PLCXD1: variants seen among roughly 807,000 people sequenced by gnomAD.
The protein encoded by PLCXD1 is phosphatidylinositol specific phospholipase C X domain containing 1, also known as PI-PLC X domain-containing protein 1.
In PLCXD1, 45 loss-of-function variants were observed where a neutral mutation model predicts 37.8. The observed-to-expected ratio is 1.19, with a 90% CI of 0.94 to 1.53. The LOEUF is 1.53. PLCXD1 is among the 40% of genes most tolerant of loss of function. The pLI is 0.00. For synonymous variants in PLCXD1, 246 were observed against 206.9 expected, an observed-to-expected ratio of 1.19 and a Z score of -1.62; for missense variants, 539 against 454.7, an observed-to-expected ratio of 1.19 and a Z score of -1.69.
upstream of PLCXD1, chrX:281,307 G>C: frequency 6.1e-6 from 1 of 165,128 alleles, no homozygotes; most frequent in Non-Finnish European, 1.3e-5. Flanking sequence ...CCCCCGGGCT[G>C]ATAAAGAATG....
chrX:298,969 C>G (rs900639555), intron 6 of PLCXD1, 128 bp from the exon 7 acceptor site: 36 of 744,886 alleles, frequency 4.8e-5, no homozygotes, highest in Non-Finnish European at 7.1e-5. Context: ...CACCCAATTT[C>G]CTTGTTGGAC....
chrX:299,356 G>C lies in PLCXD1; in HGVS notation c.*21G>C, dbSNP rs1462908245. On this transcript the variant is annotated 3_prime_UTR_variant, in exon 7 of 7. Coordinates refer to ENST00000381657, the MANE Select transcript of PLCXD1 (RefSeq NM_018390.4). ...GCTGACGGGACCCTTCTGAAGTTCG[G>C]GACGCGGCGGCTGCAGTTTCACCCC... 6.4e-7 allele frequency: 1 copy of C among 1,553,488 alleles called. No individual in the cohort carries two copies. The highest frequency in any genetic ancestry group is 1.4e-5 in the African/African-American group (1 of 73,702).
upstream of PLCXD1, among the ~76,000 whole-genome samples, chrX:278,756 A>AAAC (rs1291174218): frequency 1.4e-5 from 2 of 144,374 alleles, no homozygotes; most frequent in East Asian, 4.2e-4. Flanking sequence ...AAAAAAAAAA[A>AAAC]GTGTGTTTTG....
At chrX:286,836 C>A (rs1434727635) in intron 2 of PLCXD1, among the ~76,000 whole-genome samples, 1 of 152,046 alleles carries the variant, frequency 6.6e-6, no homozygotes, top group Non-Finnish European at 1.5e-5. Flanking sequence ...TTTGCTTTCT[C>A]CTGTCTTATA....
chrX:281,982 A>C (rs1332790524), intron 1 of PLCXD1, among the ~76,000 whole-genome samples: 1 of 152,014 alleles, frequency 6.6e-6, no homozygotes, highest in Non-Finnish European at 1.5e-5. Context: ...CCCTGACCTC[A>C]GGTGATCCAC....
chrX:293,389 C>T (rs1350278980), intron 6 of PLCXD1, among the ~76,000 whole-genome samples, 171 bp downstream of exon 6: 5 of 152,130 alleles, frequency 3.3e-5, no homozygotes, highest in South Asian at 4.1e-4. Flanking sequence ...TTCGGGAGGC[C>T]GAGGCGGGTG....
At chrX:281,328 C>T, upstream of PLCXD1, 1 of 159,040 alleles carries the variant, frequency 6.3e-6, no homozygotes, top group Non-Finnish European at 1.4e-5. Context: ...GGCTCCTCCT[C>T]CTGGGCCCAG....
In PLCXD1 at chrX:301,932, C is replaced by T; in HGVS notation, c.*2597C>T. 1 of 152,370 alleles carries T rather than the reference C, an allele frequency of 6.6e-6. No homozygotes were observed. The highest frequency in any genetic ancestry group is 2.1e-4 in the South Asian group (1 of 4,838). The allele number at this position is 152,370 out of a possible 1,614,324, so 9.4% of individuals were successfully genotyped here. A position where few individuals can be genotyped will look rare whatever the true frequency, so the allele number is the denominator to read the frequency against. On this transcript the variant is annotated 3_prime_UTR_variant, in exon 7 of 7. Coordinates refer to ENST00000381657, the MANE Select transcript of PLCXD1 (RefSeq NM_018390.4). ...TGAGCCACCGCACCTGGCCTCAAGC[C>T]AGTATTTCCCTGGCCCTAAATCATT...
chrX:287,507 A>G lies in PLCXD1; in HGVS notation c.128-1226A>G, dbSNP rs189783396. ...TTATATATAGATATAGATACTATATATGTTTATATATAGATATAGATACTA... is the reference window on the plus strand; with the variant it reads ...TTATATATAGATATAGATACTATATGTGTTTATATATAGATATAGATACTA... On this transcript the variant is annotated intron_variant, in intron 2 of 6. Transcript: ENST00000381657. Among the ~76,000 whole-genome samples the G allele has an allele frequency of 9.1e-3, 1,068 of 117,882 alleles. 10 individuals are homozygous for G. The highest frequency in any genetic ancestry group is 0.039 in the African/African-American group (937 of 23,794). The allele number at this position is 117,882 out of a possible 152,430, so 77.3% of individuals were successfully genotyped here.
intron 6 of PLCXD1, among the ~76,000 whole-genome samples, chrX:293,750 G>A (rs1046776410): frequency 1.1e-4 from 16 of 152,156 alleles, no homozygotes; most frequent in African/African-American, 3.6e-4. Context: ...AAGACATCAC[G>A]CTCAGTGAGA....
intron 6 of PLCXD1, among the ~76,000 whole-genome samples, chrX:296,038 C>T (rs910043412): frequency 1.3e-5 from 2 of 151,918 alleles, no homozygotes; most frequent in Non-Finnish European, 2.9e-5. Context: ...TCTCGAACTC[C>T]CGACCTCAGG....
chrX:280,181 C>T (rs1483634271), upstream of PLCXD1, among the ~76,000 whole-genome samples: 2 of 152,268 alleles, frequency 1.3e-5, no homozygotes, highest in Non-Finnish European at 2.9e-5. Context: ...AACCTCCCCT[C>T]CACCCCGCGG....
chrX:280,356 G>GC (rs1341508409), upstream of PLCXD1, among the ~76,000 whole-genome samples: 1 of 80,334 alleles, frequency 1.2e-5, no homozygotes, highest in Non-Finnish European at 2.5e-5. Context: ...GCAGGGGGAA[G>GC]GGGGGCCGTG....
chrX:292,871 C>T (rs1292189732), intron 5 of PLCXD1, among the ~76,000 whole-genome samples, 164 bp from the exon 6 acceptor site: 2 of 152,242 alleles, frequency 1.3e-5, no homozygotes, highest in Non-Finnish European at 2.9e-5. Flanking sequence ...CCTCGGCCTC[C>T]CAAAGTGCTG....
chrX:299,438 A>T lies in PLCXD1; in HGVS notation c.*103A>T. On this transcript the variant is annotated 3_prime_UTR_variant, in exon 7 of 7. Transcript: ENST00000381657. ...CCAAATGTTGGTGATCATAGGACCGATGATAATACGTTTTCATTTTCTTTA... is the reference window on the plus strand; with the variant it reads ...CCAAATGTTGGTGATCATAGGACCGTTGATAATACGTTTTCATTTTCTTTA... The T allele has an allele frequency of 1.2e-6, 1 of 851,236 alleles. No individual in the cohort carries two copies. The highest frequency in any genetic ancestry group is 2.0e-6 in the Non-Finnish European group (1 of 503,566). 52.7% of individuals were successfully genotyped at this position (851,236 alleles called of 1,614,324 possible).
intron 2 of PLCXD1, among the ~76,000 whole-genome samples, chrX:285,576 C>G (rs1008685822): frequency 2.6e-5 from 4 of 151,994 alleles, no homozygotes; most frequent in Non-Finnish European, 4.4e-5. Flanking sequence ...TGCACCTATT[C>G]ACATAGACAT....
At chrX:288,325 G>T (rs973918392) in intron 2 of PLCXD1, among the ~76,000 whole-genome samples, 4 of 149,604 alleles carry the variant, frequency 2.7e-5, no homozygotes, top group African/African-American at 9.8e-5. Flanking sequence ...CTAGAGTGGG[G>T]GATCCTTCCT....
At chrX:295,117 C>T (rs987425144) in intron 6 of PLCXD1, among the ~76,000 whole-genome samples, 54 of 150,696 alleles carry the variant, frequency 3.6e-4, no homozygotes, top group African/African-American at 1.1e-3. Context: ...TGCCGTGAGC[C>T]GAAATCGCGC....
chrX:298,828 CATTATTCTGTCTAT>C (rs2069897358), intron 6 of PLCXD1, among the ~76,000 whole-genome samples: 1 of 148,604 alleles, frequency 6.7e-6, no homozygotes, highest in East Asian at 2.0e-4. Context: ...TCTTTGGGGC[CATTATTCTGTCTAT>C]CACATGGGGA....
Sources: gnomAD v4.1 joint callset for allele counts (sites outside exome capture counted in the v4.1 genomes callset) on GRCh38, gnomAD v4.1.1 for gene constraint, MANE v1.5 for transcripts, NCBI Gene and HGNC (gene_info 2026-07-23, HGNC 2026-07-21) for gene names.